The following RYR2 variants were observed in gnomAD, a reference collection of about 807,000 sequenced individuals.
RYR2 encodes the protein ryanodine receptor 2, also known as cardiac muscle ryanodine receptor-calcium release channel.
A neutral mutation model predicts 601.1 loss-of-function variants in RYR2; 227 were observed. The ratio of observed to expected loss-of-function variants is 0.38; its 90% CI spans 0.34 to 0.42. The LOEUF is 0.42. Among genes scored for constraint, RYR2 ranks in the 10% least tolerant of loss-of-function variants. RYR2 has a pLI of 1.00. For missense variants in RYR2, 4,646 were observed against 6,156.5 expected, an observed-to-expected ratio of 0.75 and a Z score of 8.21; for synonymous variants, 2,223 against 2,175.1, an observed-to-expected ratio of 1.02 and a Z score of -0.61.
intron 80 of RYR2, among the ~76,000 whole-genome samples, chr1:237,748,134 G>A (rs137901177): frequency 1.2e-4 from 18 of 152,272 alleles, no homozygotes; most frequent in Non-Finnish European, 2.6e-4. Flanking sequence ...AAATCCCAGG[G>A]AATGAAGAGT....
chr1:237,087,480 A>G (rs796313531), intron 1 of RYR2, among the ~76,000 whole-genome samples: 2 of 152,218 alleles, frequency 1.3e-5, no homozygotes, highest in Non-Finnish European at 2.9e-5. Flanking sequence ...GAGATGCAAA[A>G]TGTGAGAAGT....
chr1:237,659,915 A>T, intron 54 of RYR2, 70 bp from the exon 55 acceptor site: 3 of 974,724 alleles, frequency 3.1e-6, no homozygotes, highest in South Asian at 3.4e-5. Context: ...ACGCACTTAA[A>T]CACCTGCATA....
At chr1:237,801,833 ATT>A (rs35563566) in intron 97 of RYR2, 21 bp from the exon 98 acceptor site, 1,576 of 1,354,864 alleles carry the variant, frequency 1.2e-3, no homozygotes, top group South Asian at 2.0e-3. Context: ...ATAACTACGC[ATT>A]TTTTTTTTTT....
At chr1:237,794,108 T>C in intron 95 of RYR2, 111 bp downstream of exon 95, 1 of 886,978 alleles carries the variant, frequency 1.1e-6, no homozygotes, top group Non-Finnish European at 1.7e-6. Flanking sequence ...GAATAATAGT[T>C]ATATATTCAG....
chr1:237,252,073 C>A (rs929180331), intron 1 of RYR2, among the ~76,000 whole-genome samples: 5 of 151,872 alleles, frequency 3.3e-5, no homozygotes, highest in Non-Finnish European at 5.9e-5. Context: ...CCTCTCATGC[C>A]CCTAGCATGG....
chr1:237,544,877 A>G (rs2618666), intron 25 of RYR2, among the ~76,000 whole-genome samples: 134,780 of 152,198 alleles, frequency 0.89, 61,430 homozygotes, highest in Non-Finnish European at 0.99. Context: ...CATTATAATT[A>G]GTTAAAGTCC....
At chr1:237,379,062 G>T (rs1376624657) in intron 8 of RYR2, among the ~76,000 whole-genome samples, 1 of 152,134 alleles carries the variant, frequency 6.6e-6, no homozygotes, top group East Asian at 1.9e-4. Context: ...ATATGCATGT[G>T]CTATGTATGT....
Position 237,275,073 on chromosome 1 carries a change from TGCAC to T in RYR2, c.168+4458_168+4461del, listed in dbSNP as rs561166384. On this transcript the variant is annotated intron_variant, in intron 2 of 104. Transcript: ENST00000366574. ...GTATATATATATCATCCATGGGTGA[TGCAC>T]ACACACACATACACGCACACACACA... 1.1e-3 allele frequency among the ~76,000 whole-genome samples: 160 copies of T among 151,548 alleles called. No individual in the cohort carries two copies. In the South Asian group the frequency reaches 0.012, roughly 11 times the overall value.
rs1677920789 is a variant in RYR2 at position 237,611,981 on chromosome 1, T to C, written c.4910+993T>C. ...ACAAAAACTTGTACATGAATATTCA[T>C]AGAAGCATTATGAACAATAGTAAAA... On this transcript the variant is annotated intron_variant, in intron 36 of 104. Coordinates refer to ENST00000366574, the MANE Select transcript of RYR2 (RefSeq NM_001035.3). 2.6e-5 allele frequency among the ~76,000 whole-genome samples: 4 copies of C among 152,120 alleles called. No homozygotes were observed. The South Asian group carries it at 8.3e-4, about 31-fold the overall frequency.
intron 36 of RYR2, among the ~76,000 whole-genome samples, chr1:237,613,363 G>A (rs910009402): frequency 3.3e-5 from 5 of 152,124 alleles, no homozygotes; most frequent in African/African-American, 7.2e-5. Context: ...TCATCAGTGC[G>A]CAGTGCTAAT....
chr1:237,542,801 C>T (rs1426845808), intron 25 of RYR2, among the ~76,000 whole-genome samples: 2 of 152,256 alleles, frequency 1.3e-5, no homozygotes, highest in East Asian at 3.9e-4. Context: ...CATATCTGTA[C>T]TGTTCATGGG....
At chr1:237,763,239 A>G (rs1315468822) in intron 84 of RYR2, among the ~76,000 whole-genome samples, 1 of 152,190 alleles carries the variant, frequency 6.6e-6, no homozygotes, top group African/African-American at 2.4e-5. Context: ...AGCGTCTGCA[A>G]CTGTTGTGTC....
intron 34 of RYR2, among the ~76,000 whole-genome samples, chr1:237,599,877 C>T (rs12144571): frequency 0.19 from 29,179 of 149,948 alleles, 3,233 homozygotes; most frequent in East Asian, 0.47. Flanking sequence ...AAGATCTCTA[C>T]ACTGCAATCT....
rs1332805343 is a variant in RYR2 at position 237,496,705 on chromosome 1, G to C, written c.2156G>C (p.Gly719Ala). ...GAAGAGTGGGGTGGAAATGGTGTTG[G>C]AGATGATCTCTTCTCCTATGGATTT... ...GGEEWGGNGVGDDLFSYGFDG... is the reference protein window; with the variant it reads ...GGEEWGGNGVADDLFSYGFDG... Residue 719 changes from glycine (G) to alanine (A), a missense_variant, in exon 20 of 105, where the codon GGA (glycine) becomes GCA (alanine). Gly to Ala is a moderately conservative substitution (Grantham distance 60). This residue lies in a region of RYR2 where 1,807 missense variants were observed against 2,088.1 expected (regional missense o/e 0.87). Coordinates refer to ENST00000366574, the MANE Select transcript of RYR2 (RefSeq NM_001035.3). 1 of 1,613,960 alleles carries C rather than the reference G, an allele frequency of 6.2e-7. No individual in the cohort carries two copies. Among genetic ancestry groups the C allele is most frequent in the South Asian group, 1.1e-5 (1 of 91,082 alleles).
At chr1:237,476,141 T>G (rs1370198884) in intron 17 of RYR2, among the ~76,000 whole-genome samples, 1 of 152,250 alleles carries the variant, frequency 6.6e-6, no homozygotes, top group Non-Finnish European at 1.5e-5. Flanking sequence ...GGTCTCTCTT[T>G]GGCATTCCTG....
At chr1:237,617,944 G>A (rs1209753365) in intron 38 of RYR2, among the ~76,000 whole-genome samples, 1 of 152,092 alleles carries the variant, frequency 6.6e-6, no homozygotes, top group African/African-American at 2.4e-5. Flanking sequence ...CCCAAAGTCA[G>A]GTCTCCTGAG....
intron 7 of RYR2, 101 bp from the exon 8 acceptor site, chr1:237,377,222 T>C: frequency 1.3e-6 from 1 of 748,782 alleles, no homozygotes; most frequent in Non-Finnish European, 2.1e-6. Context: ...TTTGCATTAA[T>C]TCCGGATTTC....
intron 63 of RYR2, among the ~76,000 whole-genome samples, chr1:237,697,658 A>G (rs1397015287): frequency 1.3e-5 from 2 of 148,920 alleles, no homozygotes; most frequent in African/African-American, 2.5e-5. Context: ...TGCAAGTACC[A>G]TAAGGACTAT....
intron 37 of RYR2, among the ~76,000 whole-genome samples, chr1:237,616,921 T>A (rs1678536409): frequency 1.3e-5 from 2 of 152,076 alleles, no homozygotes; most frequent in African/African-American, 4.8e-5. Context: ...AACCATCAGA[T>A]CTTGTGAGAC....
Sources: gnomAD v4.1 joint callset for allele counts (sites outside exome capture counted in the v4.1 genomes callset) on GRCh38, gnomAD v4.1.1 for gene constraint, gnomAD v4.1.1 regional missense constraint, MANE v1.5 for transcripts, NCBI Gene and HGNC (gene_info 2026-07-23, HGNC 2026-07-21) for gene names.